The following GRIN2B variants were observed in gnomAD, a reference collection of about 807,000 sequenced individuals.
GRIN2B encodes the protein glutamate ionotropic receptor NMDA type subunit 2B.
In GRIN2B, 5 loss-of-function variants were observed where a neutral mutation model predicts 114.5. The observed-to-expected ratio is 0.04, with a 90% CI of 0.02 to 0.09. The LOEUF (loss-of-function observed/expected upper bound fraction) is 0.09. GRIN2B is among the 10% of genes least tolerant of loss of function. The probability of loss-of-function intolerance (pLI) is 1.00; values close to 1 mark genes in which losing one functional copy is unlikely to be tolerated. For synonymous variants in GRIN2B, 787 were observed against 745.1 expected (o/e 1.06, Z -0.92); for missense variants, 1,108 against 1,943.5 (o/e 0.57, Z 8.08).
intron 2 of GRIN2B, among the ~76,000 whole-genome samples, chr12:13,930,533 T>C (rs971313293): frequency 1.3e-5 from 2 of 152,228 alleles, no homozygotes; most frequent in Non-Finnish European, 2.9e-5. Context: ...CCCTCTGATG[T>C]TGTGGGGCCT....
chr12:13,761,778 T>A (rs1475523968), intron 3 of GRIN2B, among the ~76,000 whole-genome samples: 2 of 151,870 alleles, frequency 1.3e-5, no homozygotes, highest in Non-Finnish European at 2.9e-5. Context: ...TACTTTTAAA[T>A]AAACACAAGG....
intron 2 of GRIN2B, among the ~76,000 whole-genome samples, chr12:13,945,969 G>A (rs898155060): frequency 6.6e-5 from 10 of 152,130 alleles, no homozygotes; most frequent in Middle Eastern, 3.2e-3. Context: ...GGAAGAACAA[G>A]CCTCATTTGG....
chr12:13,759,461 A>G (rs1565527271), intron 3 of GRIN2B, among the ~76,000 whole-genome samples: 2 of 152,158 alleles, frequency 1.3e-5, no homozygotes, highest in Non-Finnish European at 2.9e-5. Flanking sequence ...ACTTATTTAC[A>G]TCCCTTTGTA....
intron 4 of GRIN2B, among the ~76,000 whole-genome samples, chr12:13,737,990 G>A (rs1296643516): frequency 1.3e-5 from 2 of 152,088 alleles, no homozygotes; most frequent in Non-Finnish European, 1.5e-5. Flanking sequence ...CCAAGATTGG[G>A]CTCGGTCAGA....
At chr12:13,796,142 C>T (rs1864415762) in intron 3 of GRIN2B, among the ~76,000 whole-genome samples, 2 of 149,500 alleles carry the variant, frequency 1.3e-5, no homozygotes, top group South Asian at 4.2e-4. Context: ...GTTCAACACA[C>T]ATTGGCTATG....
At chr12:13,959,165 T>C (rs1867648397) in intron 2 of GRIN2B, among the ~76,000 whole-genome samples, 1 of 152,086 alleles carries the variant, frequency 6.6e-6, no homozygotes, top group Non-Finnish European at 1.5e-5. Flanking sequence ...GAGTTCAAAA[T>C]TGAGCCAGAT....
chr12:13,604,863 A>T lies in GRIN2B; in HGVS notation c.2010+3740T>A, dbSNP rs549780045. Among the ~76,000 whole-genome samples, 237 of 152,342 alleles carry T rather than the reference A, an allele frequency of 1.6e-3. 1 individual carries two copies. Among genetic ancestry groups the T allele is most frequent in the Non-Finnish European group, 2.3e-3 (157 of 68,030 alleles). On this transcript the variant is annotated intron_variant, in intron 10 of 13. Coordinates refer to ENST00000609686, the MANE Select transcript of GRIN2B (RefSeq NM_000834.5). Reference sequence around the variant, plus strand: ...AATGTTTTTTATAATTATGTAAATCATGTTGACAGATTCTGGTAGGGTGCT... The same window carrying T: ...AATGTTTTTTATAATTATGTAAATCTTGTTGACAGATTCTGGTAGGGTGCT...
chr12:13,866,902 C>A (rs1195526235), intron 2 of GRIN2B, among the ~76,000 whole-genome samples: 3 of 152,190 alleles, frequency 2.0e-5, no homozygotes, highest in Non-Finnish European at 4.4e-5. Flanking sequence ...ATTATTATCA[C>A]CATTTTTATA....
At chr12:13,924,593 A>G (rs776070847) in intron 2 of GRIN2B, among the ~76,000 whole-genome samples, 2 of 152,334 alleles carry the variant, frequency 1.3e-5, no homozygotes, top group South Asian at 4.1e-4. Flanking sequence ...TCTCCTGGCC[A>G]ATGCTAACCA....
At position 13,975,476 on chromosome 12, in the gene GRIN2B, T is replaced by C. The variant is rs570163832; in HGVS notation, c.-19+4452A>G. ...ATACAACCTTAGGAAAATCACTTAA[T>C]GTCCCTGGATCTCAATTTCTTTATT... On this transcript the variant is annotated intron_variant, in intron 2 of 13. Coordinates refer to ENST00000609686, the MANE Select transcript of GRIN2B (RefSeq NM_000834.5). Among the ~76,000 whole-genome samples, 6 of 152,366 alleles carry C rather than the reference T, an allele frequency of 3.9e-5. No homozygotes were observed. The South Asian group carries it at 1.2e-3, about 32-fold the overall frequency.
At chr12:13,965,653 T>G (rs569087400) in intron 2 of GRIN2B, among the ~76,000 whole-genome samples, 14 of 152,324 alleles carry the variant, frequency 9.2e-5, no homozygotes, top group African/African-American at 2.9e-4. Flanking sequence ...CTTCTTGTTC[T>G]TATGAAGATG....
chr12:13,935,114 G>A (rs1314556657), intron 2 of GRIN2B, among the ~76,000 whole-genome samples: 2 of 152,188 alleles, frequency 1.3e-5, no homozygotes, highest in African/African-American at 4.8e-5. Flanking sequence ...GTCCATAGAT[G>A]AGAAAAGTAT....
At chr12:13,680,436 T>TGTGTGTG (rs374526823) in intron 4 of GRIN2B, among the ~76,000 whole-genome samples, 1 of 123,480 alleles carries the variant, frequency 8.1e-6, no homozygotes, top group African/African-American at 3.0e-5. Context: ...CCCATCAAGG[T>TGTGTGTG]TGTGTGTGTG....
chr12:13,570,966 C>A lies in GRIN2B; in HGVS notation c.2171+838G>T, dbSNP rs527451859. On this transcript the variant is annotated intron_variant, in intron 11 of 13. Transcript: ENST00000609686. Reference sequence around the variant, plus strand: ...TGGGTGTAGCAGTGGTCAGACTACCCAAAGTGGCCCTACCTTCAAGCTCAA... The same window carrying A: ...TGGGTGTAGCAGTGGTCAGACTACCAAAAGTGGCCCTACCTTCAAGCTCAA... Among the ~76,000 whole-genome samples, 140 of 152,290 alleles carry A rather than the reference C, an allele frequency of 9.2e-4. 1 individual carries two copies. Among genetic ancestry groups the A allele is most frequent in the African/African-American group, 3.3e-3 (136 of 41,552 alleles).
intron 3 of GRIN2B, among the ~76,000 whole-genome samples, chr12:13,841,212 G>A (rs2136714946): frequency 6.6e-6 from 1 of 152,222 alleles, no homozygotes; most frequent in South Asian, 2.1e-4. Context: ...AAGAAGCTGA[G>A]ACCTAATGAA....
In GRIN2B at chr12:13,563,059, G is replaced by A. The variant is rs199529615; in HGVS notation, c.4179C>T (p.Asp1393=). Residue 1393 remains aspartate, a synonymous_variant, in exon 14 of 14, where the codon GAC becomes GAT. Transcript: ENST00000609686. ...TQNPFIPTFG[D]DQCLLHGSKS... is the part of the protein sequence containing the mutation. ...TGCTGCCATGGAGCAAGCACTGGTC[G>A]TCCCCAAAAGTGGGGATGAAAGGGT... 2.6e-5 allele frequency: 42 copies of A among 1,614,024 alleles called. No individual in the cohort carries two copies. Among genetic ancestry groups the A allele is most frequent in the African/African-American group, 5.3e-5 (4 of 74,938 alleles).
Position 13,560,522 on chromosome 12 carries a change from G to T in GRIN2B, c.*2261C>A, listed in dbSNP as rs908575848. 6.6e-6 allele frequency: 1 copy of T among 152,246 alleles called. No individual in the cohort carries two copies. The highest frequency in any genetic ancestry group is 6.5e-5 in the Admixed American group (1 of 15,286). The allele number at this position is 152,246 out of a possible 1,614,324, so 9.4% of individuals were successfully genotyped here. A position where few individuals can be genotyped will look rare whatever the true frequency, so the allele number is the denominator to read the frequency against. On this transcript the variant is annotated 3_prime_UTR_variant, in exon 14 of 14. Coordinates refer to ENST00000609686, the MANE Select transcript of GRIN2B (RefSeq NM_000834.5). ...GGTTTGGTTTTTTTGTTTGAAAGGGGTGAGGTAAGAGGAAGATGAGGGGAT... is the reference window on the plus strand; with the variant it reads ...GGTTTGGTTTTTTTGTTTGAAAGGGTTGAGGTAAGAGGAAGATGAGGGGAT...
At position 13,913,518 on chromosome 12, in the gene GRIN2B, C is replaced by T. The variant is rs549886378; in HGVS notation, c.-18-47292G>A. Among the ~76,000 whole-genome samples, 3 of 152,312 alleles carry T rather than the reference C, an allele frequency of 2.0e-5. 1 individual carries two copies. In the South Asian group the frequency reaches 6.2e-4, roughly 32 times the overall value. ...TGTCTGTGAGGCACTGAGTGAGTCA[C>T]TTCATCCCTCTGGGCCTCTGGTTCA... On this transcript the variant is annotated intron_variant, in intron 2 of 13. Transcript: ENST00000609686.
rs144147004 is a variant in GRIN2B, at chr12:13,950,941, G to A, written c.-19+28987C>T. On this transcript the variant is annotated intron_variant, in intron 2 of 13. Coordinates refer to ENST00000609686, the MANE Select transcript of GRIN2B (RefSeq NM_000834.5). ...ATAGAAAAAAGCTAAGTTTGACCAGGGAAGAGAAAAATGAAGGACAAAATC... is the reference window on the plus strand; with the variant it reads ...ATAGAAAAAAGCTAAGTTTGACCAGAGAAGAGAAAAATGAAGGACAAAATC... Among the ~76,000 whole-genome samples, 550 of 152,186 alleles carry A rather than the reference G, an allele frequency of 3.6e-3. 8 individuals are homozygous for A. The highest frequency in any genetic ancestry group is 0.029 in the East Asian group (150 of 5,170).
Sources: allele counts gnomAD v4.1 joint callset (sites outside exome capture counted in the v4.1 genomes callset), GRCh38; gene constraint gnomAD v4.1.1; transcripts MANE v1.5; gene names NCBI Gene and HGNC (gene_info 2026-07-23, HGNC 2026-07-21).